The following ASIC2 variants were observed in gnomAD, a reference collection of about 807,000 sequenced individuals.
ASIC2 encodes the protein acid-sensing ion channel 2.
Under a neutral mutation model 57.3 loss-of-function variants are expected in ASIC2, and 25 were observed. The ratio of observed to expected loss-of-function variants is 0.44; its 90% CI spans 0.32 to 0.61. The LOEUF (loss-of-function observed/expected upper bound fraction) is 0.61. Among genes scored for constraint, ASIC2 ranks in the 20% least tolerant of loss-of-function variants. The pLI is 0.06. For synonymous variants in ASIC2, 319 were observed against 307.5 expected, an observed-to-expected ratio of 1.04 and a Z score of -0.39; for missense variants, 641 against 738.1, an observed-to-expected ratio of 0.87 and a Z score of 1.52.
intron 1 of ASIC2, chr17:33,131,714 C>A (rs2092346769): frequency 6.6e-6 from 1 of 152,270 alleles, no homozygotes; most frequent in African/African-American, 2.4e-5. Flanking sequence ...GGCGGCCTGT[C>A]CTCTCCAAGA....
At chr17:33,394,838 A>C (rs1004441139) in intron 1 of ASIC2, among the ~76,000 whole-genome samples, 3 of 152,172 alleles carry the variant, frequency 2.0e-5, no homozygotes, top group African/African-American at 7.2e-5. Context: ...ATATACAAAA[A>C]GGGAAAAGAC....
At chr17:33,689,703 T>G (rs987301515) in intron 1 of ASIC2, among the ~76,000 whole-genome samples, 3 of 152,238 alleles carry the variant, frequency 2.0e-5, no homozygotes, top group African/African-American at 7.2e-5. Context: ...ACAGATATAC[T>G]TAAGTTACAG....
intron 1 of ASIC2, among the ~76,000 whole-genome samples, chr17:33,468,322 C>T (rs922882822): frequency 6.6e-6 from 1 of 152,082 alleles, no homozygotes; most frequent in Non-Finnish European, 1.5e-5. Context: ...CATGTTCTCC[C>T]CTCTGTATTC....
At chr17:33,964,665 C>A (rs984116712) in intron 1 of ASIC2, among the ~76,000 whole-genome samples, 34 of 152,216 alleles carry the variant, frequency 2.2e-4, no homozygotes, top group Non-Finnish European at 8.8e-5. Context: ...CCAACCACCA[C>A]CCCCTCTGCT....
chr17:33,236,358 T>A (rs373037867), intron 1 of ASIC2, among the ~76,000 whole-genome samples: 8 of 152,176 alleles, frequency 5.3e-5, no homozygotes, highest in Non-Finnish European at 8.8e-5. Context: ...TTATTTATTT[T>A]TTTTGGAATA....
chr17:33,175,099 G>A (rs560647414), intron 1 of ASIC2, among the ~76,000 whole-genome samples: 1 of 152,218 alleles, frequency 6.6e-6, no homozygotes, highest in South Asian at 2.1e-4. Context: ...TAATGAATAC[G>A]AGATGGCTTA....
intron 1 of ASIC2, among the ~76,000 whole-genome samples, chr17:33,251,909 T>G (rs192664134): frequency 5.3e-5 from 8 of 152,330 alleles, no homozygotes. Flanking sequence ...TCCCTTGTAT[T>G]GATTGGTAAG....
intron 3 of ASIC2, chr17:33,052,815 G>T (rs1254126253): frequency 1.3e-5 from 2 of 152,232 alleles, no homozygotes; most frequent in African/African-American, 4.8e-5. Flanking sequence ...TTCCTAGGCT[G>T]ACTGCTTTTC....
chr17:33,863,710 G>T (rs932642116), intron 1 of ASIC2, among the ~76,000 whole-genome samples: 10 of 152,152 alleles, frequency 6.6e-5, no homozygotes, highest in African/African-American at 2.2e-4. Flanking sequence ...ATCTGGTATT[G>T]TCTAAGGAGA....
chr17:33,330,275 G>A (rs1163802614), intron 1 of ASIC2, among the ~76,000 whole-genome samples: 1 of 152,030 alleles, frequency 6.6e-6, no homozygotes, highest in African/African-American at 2.4e-5. Context: ...TACTGGAAGG[G>A]GTGTCTGAAA....
chr17:33,425,874 G>A (rs1213704063), intron 1 of ASIC2, among the ~76,000 whole-genome samples: 1 of 152,100 alleles, frequency 6.6e-6, no homozygotes, highest in Non-Finnish European at 1.5e-5. Context: ...ATTTTGCTAG[G>A]GAGAGGACTT....
At chr17:33,681,982 T>A (rs1908014585) in intron 1 of ASIC2, among the ~76,000 whole-genome samples, 1 of 151,896 alleles carries the variant, frequency 6.6e-6, no homozygotes, top group Non-Finnish European at 1.5e-5. Flanking sequence ...AAGGTAGTGC[T>A]TGTACAAGGT....
At chr17:33,277,192 T>G (rs1904738897) in intron 1 of ASIC2, among the ~76,000 whole-genome samples, 1 of 152,180 alleles carries the variant, frequency 6.6e-6, no homozygotes, top group African/African-American at 2.4e-5. Flanking sequence ...AAGGATTCAA[T>G]TCCCTGTGAC....
chr17:33,097,784 C>T (rs564007732), intron 2 of ASIC2, among the ~76,000 whole-genome samples: 27 of 152,316 alleles, frequency 1.8e-4, no homozygotes, highest in African/African-American at 5.5e-4. Context: ...GACAGTAACA[C>T]GGACCAGAGT....
intron 1 of ASIC2, among the ~76,000 whole-genome samples, chr17:34,028,920 A>G (rs999447285): frequency 6.6e-6 from 1 of 152,192 alleles, no homozygotes; most frequent in African/African-American, 2.4e-5. Context: ...TTCCTTGAAC[A>G]TATCTGGGTC....
At chr17:34,016,287 G>A (rs528481587) in intron 1 of ASIC2, among the ~76,000 whole-genome samples, 7 of 152,068 alleles carry the variant, frequency 4.6e-5, no homozygotes, top group South Asian at 4.2e-4. Flanking sequence ...GGCCAGGCGC[G>A]GTGGTGGGCA....
At chr17:33,543,899 A>G (rs1327550186) in intron 1 of ASIC2, among the ~76,000 whole-genome samples, 1 of 152,186 alleles carries the variant, frequency 6.6e-6, no homozygotes, top group African/African-American at 2.4e-5. Context: ...TATATACAGT[A>G]AAGTTTACAT....
At chr17:33,107,856 G>A (rs2092241474) in intron 2 of ASIC2, among the ~76,000 whole-genome samples, 1 of 152,222 alleles carries the variant, frequency 6.6e-6, no homozygotes, top group South Asian at 2.1e-4. Context: ...CCTGAGAAGT[G>A]GAGCCATCCA....
In ASIC2 at chr17:33,812,926, C is replaced by A. The variant is rs545710257; in HGVS notation, c.555+343052G>T. Among the ~76,000 whole-genome samples the A allele has an allele frequency of 2.1e-4, 32 of 152,274 alleles. No individual in the cohort carries two copies. In the South Asian group the frequency reaches 6.6e-3, roughly 32 times the overall value. On this transcript the variant is annotated intron_variant, in intron 1 of 9. Coordinates refer to the ASIC2 transcript ENST00000359872. ...TCCCAGCACTTGTCTTACCCCAGGG[C>A]TCTGGCCTCCAGAACTCAGAAGGTG...
Sources: gnomAD v4.1 joint callset for allele counts (sites outside exome capture counted in the v4.1 genomes callset) on GRCh38, gnomAD v4.1.1 for gene constraint, MANE v1.5 for transcripts, NCBI Gene and HGNC (gene_info 2026-07-23, HGNC 2026-07-21) for gene names.